VPS50: variants seen among roughly 807,000 people sequenced by gnomAD.
The protein encoded by VPS50 is VPS50 subunit of EARP/GARPII complex.
In VPS50, 70 loss-of-function variants were observed where a neutral mutation model predicts 139.7. The observed-to-expected ratio is 0.50, with a 90% confidence interval of 0.41 to 0.61. VPS50 has a LOEUF of 0.61. VPS50 is among the 20% of genes least tolerant of loss of function. VPS50 has a pLI of 0.00. For missense variants in VPS50, 921 were observed against 1,133.7 expected (o/e 0.81, Z 2.69); for synonymous variants, 365 against 376.7 (o/e 0.97, Z 0.36).
chr7:93,267,365 GT>G (rs1407585941), intron 9 of VPS50, among the ~76,000 whole-genome samples: 4 of 152,130 alleles, frequency 2.6e-5, no homozygotes, highest in African/African-American at 9.7e-5. Context: ...GTTCAGTGTG[GT>G]TCTTCTAAAA....
chr7:93,296,521 T>C (rs902813713), intron 14 of VPS50, among the ~76,000 whole-genome samples: 2 of 152,176 alleles, frequency 1.3e-5, no homozygotes, highest in African/African-American at 4.8e-5. Flanking sequence ...GTAGCTACTT[T>C]CCATTCAGTT....
intron 20 of VPS50, among the ~76,000 whole-genome samples, chr7:93,312,091 A>G (rs1797285547): frequency 1.3e-5 from 2 of 152,228 alleles, no homozygotes; most frequent in African/African-American, 4.8e-5. Flanking sequence ...AATTTAATTA[A>G]TGAATAGGAT....
At chr7:93,343,015 T>A (rs1013040755) in intron 23 of VPS50, among the ~76,000 whole-genome samples, 11 of 152,146 alleles carry the variant, frequency 7.2e-5, no homozygotes, top group African/African-American at 2.4e-4. Flanking sequence ...GAAGAAGGCT[T>A]CAGATGATCA....
At chr7:93,301,330 T>C (rs1796968977) in intron 16 of VPS50, among the ~76,000 whole-genome samples, 1 of 151,760 alleles carries the variant, frequency 6.6e-6, no homozygotes, top group Non-Finnish European at 1.5e-5. Context: ...GTTGTTGTAA[T>C]GGTTACCACC....
rs559594023 is a variant in VPS50 at position 93,334,824 on chromosome 7, C to T, written c.2058+627C>T. ...CCTGTACTGTTTCAGCTAACATAAG[C>T]ATTTAAAATGAGAAAATCTTTTTTT... On this transcript the variant is annotated intron_variant, in intron 22 of 27. Transcript: ENST00000305866. Among the ~76,000 whole-genome samples the T allele has an allele frequency of 3.3e-5, 5 of 152,310 alleles. No individual in the cohort carries two copies. In the South Asian group the frequency reaches 8.3e-4, roughly 25 times the overall value.
chr7:93,294,976 AT>A (rs913363656), intron 14 of VPS50, among the ~76,000 whole-genome samples: 65 of 151,460 alleles, frequency 4.3e-4, no homozygotes, highest in East Asian at 2.1e-3. Context: ...TGTTTTCTTA[AT>A]TTTTTTTTCT....
chr7:93,280,844 A>C (rs1258457082), intron 12 of VPS50, among the ~76,000 whole-genome samples: 1 of 152,058 alleles, frequency 6.6e-6, no homozygotes, highest in African/African-American at 2.4e-5. Flanking sequence ...TGTTTTTATG[A>C]TGAATTTCAT....
intron 20 of VPS50, among the ~76,000 whole-genome samples, chr7:93,315,300 T>A (rs1014620775): frequency 3.9e-5 from 6 of 152,224 alleles, no homozygotes; most frequent in African/African-American, 4.8e-5. Flanking sequence ...TTTATACATC[T>A]TCTACTTTTC....
At chr7:93,317,352 G>A (rs192188891) in intron 20 of VPS50, among the ~76,000 whole-genome samples, 155 of 152,134 alleles carry the variant, frequency 1.0e-3, no homozygotes, top group African/African-American at 3.6e-3. Flanking sequence ...GAGTTCAAGA[G>A]CAGCCTGGCC....
At chr7:93,345,251 C>T (rs1798356053) in intron 23 of VPS50, among the ~76,000 whole-genome samples, 1 of 152,318 alleles carries the variant, frequency 6.6e-6, no homozygotes, top group East Asian at 1.9e-4. Flanking sequence ...AATTCCTCGA[C>T]ACATACACTC....
chr7:93,324,197 T>C (rs1797700664), intron 21 of VPS50, among the ~76,000 whole-genome samples: 1 of 152,196 alleles, frequency 6.6e-6, no homozygotes, highest in Admixed American at 6.5e-5. Context: ...GCTGAGACAA[T>C]GGGGTTTTCT....
chr7:93,322,335 C>T (rs546512849), intron 20 of VPS50, among the ~76,000 whole-genome samples: 2 of 152,066 alleles, frequency 1.3e-5, no homozygotes, highest in African/African-American at 4.8e-5. Context: ...CGCGGTGGCT[C>T]ACGCCTGTAA....
chr7:93,311,534 A>G (rs561272850), intron 20 of VPS50, among the ~76,000 whole-genome samples: 7 of 152,230 alleles, frequency 4.6e-5, no homozygotes, highest in Non-Finnish European at 8.8e-5. Context: ...GTTAATTGAA[A>G]TGCGATGAAA....
intron 17 of VPS50, among the ~76,000 whole-genome samples, chr7:93,305,067 A>C (rs1220495420): frequency 6.6e-6 from 1 of 151,968 alleles, no homozygotes; most frequent in Non-Finnish European, 1.5e-5. Context: ...TAGATAAAAG[A>C]AAAATGTTTG....
intron 2 of VPS50, among the ~76,000 whole-genome samples, chr7:93,248,303 C>A (rs1795216179): frequency 6.6e-6 from 1 of 151,626 alleles, no homozygotes; most frequent in African/African-American, 2.4e-5. Context: ...ACTTTTTGTT[C>A]ATTTTGTTTA....
chr7:93,316,872 G>A (rs1345838600), intron 20 of VPS50, among the ~76,000 whole-genome samples: 1 of 152,192 alleles, frequency 6.6e-6, no homozygotes, highest in Non-Finnish European at 1.5e-5. Context: ...AAAGGTTAGT[G>A]GATGAGTTTA....
chr7:93,248,103 T>C (rs377746625), intron 2 of VPS50, among the ~76,000 whole-genome samples: 2 of 152,064 alleles, frequency 1.3e-5, no homozygotes, highest in East Asian at 3.9e-4. Flanking sequence ...TTATTAATTA[T>C]TATGTGACAT....
intron 20 of VPS50, 195 bp from the exon 21 acceptor site, chr7:93,323,416 A>G (rs970950590): frequency 4.0e-5 from 8 of 201,166 alleles, no homozygotes; most frequent in Non-Finnish European, 7.8e-5. Flanking sequence ...AACTGTTCAT[A>G]ATCTGTGCTG....
intron 2 of VPS50, among the ~76,000 whole-genome samples, chr7:93,248,140 C>T (rs948512402): frequency 1.3e-5 from 2 of 151,638 alleles, no homozygotes; most frequent in African/African-American, 4.8e-5. Context: ...ATATTTTAAA[C>T]ATTTTTAAGA....
Sources: gnomAD v4.1 joint callset for allele counts (sites outside exome capture counted in the v4.1 genomes callset) on GRCh38, gnomAD v4.1.1 for gene constraint, MANE v1.5 for transcripts, NCBI Gene and HGNC (gene_info 2026-07-23, HGNC 2026-07-21) for gene names.